Variants in RGS5 observed in about 807,000 individuals in gnomAD.
RGS5 encodes the protein regulator of G-protein signalling 5.
In RGS5, 20 loss-of-function variants were observed where a neutral mutation model predicts 18.9. The ratio of observed to expected loss-of-function variants is 1.06; its 90% CI spans 0.74 to 1.54. The LOEUF is 1.54. Ranked by LOEUF, RGS5 falls within the 40% of genes most tolerant of loss-of-function variation. The pLI is 0.00. For missense variants in RGS5, 201 were observed against 211.8 expected, an observed-to-expected ratio of 0.95 and a Z score of 0.32; for synonymous variants, 57 against 76.2, an observed-to-expected ratio of 0.75 and a Z score of 1.31.
chr1:163,308,106 G>A (rs114856868), intron 1 of RGS5, among the ~76,000 whole-genome samples: 2,119 of 152,232 alleles, frequency 0.014, 58 homozygotes, highest in African/African-American at 0.048. Flanking sequence ...CCAAAAATTT[G>A]AGTTTCAAAC....
chr1:163,314,817 A>AT (rs1410775135), intron 1 of RGS5, among the ~76,000 whole-genome samples: 1 of 152,152 alleles, frequency 6.6e-6, no homozygotes, highest in Non-Finnish European at 1.5e-5. Flanking sequence ...CATGCCTTCC[A>AT]TTATGCGAGG....
chr1:163,274,849 G>A (rs1352896582), intron 2 of RGS5, among the ~76,000 whole-genome samples: 2 of 152,146 alleles, frequency 1.3e-5, no homozygotes, highest in African/African-American at 4.8e-5. Flanking sequence ...TTACAAGGTG[G>A]GTCACACTTG....
intron 2 of RGS5, among the ~76,000 whole-genome samples, chr1:163,274,365 G>A (rs1297027797): frequency 2.6e-5 from 4 of 152,186 alleles, no homozygotes; most frequent in African/African-American, 7.2e-5. Flanking sequence ...GAGCTTCTAC[G>A]TTGGTGAATG....
chr1:163,178,866 G>T (rs1658679944), intron 1 of RGS5, among the ~76,000 whole-genome samples: 1 of 152,150 alleles, frequency 6.6e-6, no homozygotes, highest in Non-Finnish European at 1.5e-5. Flanking sequence ...CTAGCAACCA[G>T]CTGTTTTGGA....
At chr1:163,151,632 C>T (rs1477006987) in intron 4 of RGS5, among the ~76,000 whole-genome samples, 2 of 152,254 alleles carry the variant, frequency 1.3e-5, no homozygotes, top group East Asian at 3.9e-4. Flanking sequence ...TAAGGGGCTT[C>T]CCCCTTCACT....
chr1:163,313,700 A>G (rs56032420), intron 1 of RGS5, among the ~76,000 whole-genome samples: 1,942 of 152,328 alleles, frequency 0.013, 16 homozygotes, highest in Non-Finnish European at 0.022. Flanking sequence ...TCATAGGTCT[A>G]TATCTTTTGT....
At chr1:163,271,019 A>G (rs1648704524) in intron 2 of RGS5, among the ~76,000 whole-genome samples, 1 of 152,166 alleles carries the variant, frequency 6.6e-6, no homozygotes, top group South Asian at 2.1e-4. Flanking sequence ...GATTTTTAGT[A>G]GAGTTATAGT....
At chr1:163,308,873 G>A (rs1311157881) in intron 1 of RGS5, among the ~76,000 whole-genome samples, 2 of 152,188 alleles carry the variant, frequency 1.3e-5, no homozygotes, top group Non-Finnish European at 1.5e-5. Context: ...CATATAAAGA[G>A]TTATGTTTAC....
At chr1:163,254,972 A>T (rs891820694) in intron 2 of RGS5, among the ~76,000 whole-genome samples, 13 of 151,918 alleles carry the variant, frequency 8.6e-5, no homozygotes, top group African/African-American at 3.1e-4. Flanking sequence ...ATGCGGCGTT[A>T]TTTCTGTGGG....
At chr1:163,219,241 C>A (rs911534116), upstream of RGS5, among the ~76,000 whole-genome samples, 17 of 152,290 alleles carry the variant, frequency 1.1e-4, no homozygotes, top group Non-Finnish European at 1.6e-4. Context: ...ACCCCAGAAG[C>A]CCTGCCTGTT....
chr1:163,231,659 C>G (rs1461058717), intron 2 of RGS5, among the ~76,000 whole-genome samples: 1 of 151,262 alleles, frequency 6.6e-6, no homozygotes, highest in South Asian at 2.1e-4. Context: ...GTACTGTTGC[C>G]TTTTGTCCAA....
chr1:163,273,557 G>T (rs73033879), intron 2 of RGS5, among the ~76,000 whole-genome samples: 32,459 of 151,702 alleles, frequency 0.21, 3,714 homozygotes, highest in African/African-American at 0.3. Flanking sequence ...CTATTCATTC[G>T]ATCATTGGGG....
At chr1:163,260,355 T>G (rs1648396088) in intron 2 of RGS5, 1 of 152,210 alleles carries the variant, frequency 6.6e-6, no homozygotes, top group Non-Finnish European at 1.5e-5. Flanking sequence ...GGTCTTAGTT[T>G]ATTGAAATTA....
intron 2 of RGS5, among the ~76,000 whole-genome samples, chr1:163,290,711 T>C (rs1649261750): frequency 6.6e-6 from 1 of 151,918 alleles, no homozygotes; most frequent in South Asian, 2.1e-4. Context: ...CTTCCATAGT[T>C]AGAAGAAAAA....
intron 2 of RGS5, among the ~76,000 whole-genome samples, chr1:163,166,114 C>A (rs933717591): frequency 1.7e-4 from 26 of 151,574 alleles, no homozygotes; most frequent in Non-Finnish European, 2.4e-4. Context: ...GGCATAGAAG[C>A]AGGAGAGAAA....
chr1:163,227,027 A>C (rs1230955471), intron 2 of RGS5, among the ~76,000 whole-genome samples: 3 of 152,260 alleles, frequency 2.0e-5, no homozygotes, highest in Admixed American at 2.0e-4. Flanking sequence ...AGCATGGCCC[A>C]AGATATCACC....
chr1:163,261,808 T>C (rs541711355), intron 2 of RGS5, among the ~76,000 whole-genome samples: 6 of 152,272 alleles, frequency 3.9e-5, no homozygotes, highest in South Asian at 2.1e-4. Flanking sequence ...TGGGAACACA[T>C]GGTGGAAGGG....
intron 2 of RGS5, among the ~76,000 whole-genome samples, chr1:163,277,997 G>C (rs944047201): frequency 6.6e-6 from 1 of 151,552 alleles, no homozygotes; most frequent in Non-Finnish European, 1.5e-5. Context: ...ATAAAATAGA[G>C]AAAGCCTACA....
chr1:163,304,024 GA>G (rs1376042216), intron 2 of RGS5, among the ~76,000 whole-genome samples: 1 of 152,140 alleles, frequency 6.6e-6, no homozygotes, highest in African/African-American at 2.4e-5. Context: ...CCTGGTGCCA[GA>G]AAGGTTGGAA....
Sources: gnomAD v4.1 joint callset for allele counts (sites outside exome capture counted in the v4.1 genomes callset) on GRCh38, gnomAD v4.1.1 for gene constraint, MANE v1.5 for transcripts, NCBI Gene and HGNC (gene_info 2026-07-23, HGNC 2026-07-21) for gene names.